Variants in VPS35L observed in about 807,000 individuals in gnomAD.
VPS35L encodes VPS35 endosomal protein sorting factor like.
VPS35L carries 83 observed loss-of-function variants against 133.0 expected under a neutral mutation model. The ratio of observed to expected loss-of-function variants is 0.62; its 90% confidence interval spans 0.52 to 0.75. The LOEUF (loss-of-function observed/expected upper bound fraction) is 0.75, where lower values mean the gene tolerates loss of function less well. VPS35L is among the 30% of genes least tolerant of loss of function. VPS35L has a pLI of 0.00. For missense variants in VPS35L, 1,083 were observed against 1,206.8 expected (o/e 0.90, Z 1.52); for synonymous variants, 423 against 449.9 (o/e 0.94, Z 0.76).
In VPS35L at chr16:19,699,792, T is replaced by C. The variant is rs570504438; in HGVS notation, c.2793+144T>C. On this transcript the variant is annotated intron_variant, in intron 30 of 30. Transcript: ENST00000417362. This position sits in a 1 kb window ranked among gnomAD's most constrained non-coding sequence, Gnocchi z 4.2. Reference sequence around the variant, plus strand: ...ACTTGGTCCATTTCTACTGGATCACTTCCTAGCAGTAAAAAGCAGAGCTGG... The same window carrying C: ...ACTTGGTCCATTTCTACTGGATCACCTCCTAGCAGTAAAAAGCAGAGCTGG... 4 of 1,117,676 alleles carry C rather than the reference T, an allele frequency of 3.6e-6. No individual in the cohort carries two copies. The highest frequency in any genetic ancestry group is 1.5e-5 in the South Asian group (1 of 65,488). 69.2% of individuals were successfully genotyped at this position (1,117,676 alleles called of 1,614,324 possible).
At chr16:19,601,628 G>C in intron 8 of VPS35L, 36 bp from the exon 9 acceptor site, 2 of 1,603,344 alleles carry the variant, frequency 1.2e-6, no homozygotes, top group Non-Finnish European at 1.7e-6. Context: ...CTCCTGAAGA[G>C]TGTGATACTA....
chr16:19,674,499 C>T (rs73539560), intron 27 of VPS35L, among the ~76,000 whole-genome samples: 1,599 of 152,134 alleles, frequency 0.011, 15 homozygotes, highest in African/African-American at 0.031. Context: ...TGAGCCTCTG[C>T]GTGCAGCCTA....
At chr16:19,586,230 A>C (rs1431671926) in intron 7 of VPS35L, among the ~76,000 whole-genome samples, 1 of 151,524 alleles carries the variant, frequency 6.6e-6, no homozygotes, top group African/African-American at 2.4e-5. Context: ...TATTTTTGAC[A>C]CTATTTCTTT....
chr16:19,691,631 T>A (rs1206099235), intron 29 of VPS35L, among the ~76,000 whole-genome samples, 160 bp downstream of exon 29: 2 of 152,214 alleles, frequency 1.3e-5, no homozygotes, highest in African/African-American at 4.8e-5. Flanking sequence ...TCGCTCCTGC[T>A]GTTTTCTCTG....
At chr16:19,618,232 A>G (rs954747041) in intron 14 of VPS35L, among the ~76,000 whole-genome samples, 1 of 152,214 alleles carries the variant, frequency 6.6e-6, no homozygotes, top group Non-Finnish European at 1.5e-5. Context: ...AGATCTTGCC[A>G]ACACATGTTG....
At chr16:19,562,920 A>AATTT (rs545996029) in intron 1 of VPS35L, among the ~76,000 whole-genome samples, 117 of 151,772 alleles carry the variant, frequency 7.7e-4, no homozygotes, top group African/African-American at 2.1e-3. Flanking sequence ...ACACCCAGCA[A>AATTT]ATTTATTTAT....
chr16:19,595,114 G>A (rs1245375564), intron 8 of VPS35L, among the ~76,000 whole-genome samples: 1 of 152,322 alleles, frequency 6.6e-6, no homozygotes, highest in East Asian at 1.9e-4. Flanking sequence ...GATCATGGTG[G>A]CCTTGGGGGC....
chr16:19,608,666 T>G, intron 10 of VPS35L: 2 of 407,196 alleles, frequency 4.9e-6, no homozygotes, highest in East Asian at 7.7e-5. Context: ...ATAAATTCCA[T>G]CTTAGTTACC....
At chr16:19,606,226 G>A (rs893747429) in intron 9 of VPS35L, among the ~76,000 whole-genome samples, 7 of 152,200 alleles carry the variant, frequency 4.6e-5, no homozygotes, top group African/African-American at 1.7e-4. Context: ...CAGCTAGACA[G>A]TGAGAGATTT....
chr16:19,623,765 ATTT>A (rs1567432690), intron 14 of VPS35L, among the ~76,000 whole-genome samples: 1 of 126,134 alleles, frequency 7.9e-6, no homozygotes, highest in East Asian at 2.3e-4. Context: ...TTACTTATTT[ATTT>A]ATTATTATTA....
rs1597317961 is a variant in VPS35L at position 19,575,088 on chromosome 16, G to A, written c.409-10G>A. The A allele has an allele frequency of 6.3e-7, 1 of 1,597,562 alleles. No individual in the cohort carries two copies. The highest frequency in any genetic ancestry group is 8.5e-7 in the Non-Finnish European group (1 of 1,170,556). ...TTTTTAAAATATTAATGAATTTTAT[G>A]TCTCTGCAGAATCTGTTTATGGGAT... On this transcript the variant is annotated splice_polypyrimidine_tract_variant and intron_variant, in intron 4 of 30. Coordinates refer to ENST00000417362, the MANE Select transcript of VPS35L (RefSeq NM_020314.7).
intron 27 of VPS35L, among the ~76,000 whole-genome samples, chr16:19,671,679 C>T (rs996562414): frequency 1.6e-4 from 23 of 146,528 alleles, no homozygotes; most frequent in Non-Finnish European, 2.9e-4. Context: ...AGGGAGGCTG[C>T]GGCAGGAGAA....
Position 19,581,584 on chromosome 16 carries a change from G to A in VPS35L, c.570G>A (p.Glu190=). Residue 190 remains glutamate (E), a synonymous_variant, in exon 7 of 31, where the codon GAG becomes GAA. Coordinates refer to ENST00000417362, the MANE Select transcript of VPS35L (RefSeq NM_020314.7). ...TQQDYVNRIE[E]LNQSLKDAWA... ...AGGATTACGTGAACCGCATAGAGGA[G>A]CTCAACCAATCGCTGAAGGATGCCT... 1.2e-6 allele frequency: 2 copies of A among 1,614,112 alleles called. No individual in the cohort carries two copies. Among genetic ancestry groups the A allele is most frequent in the Non-Finnish European group, 1.7e-6 (2 of 1,180,016 alleles).
intron 1 of VPS35L, among the ~76,000 whole-genome samples, chr16:19,557,726 G>A (rs1469635093): frequency 6.6e-6 from 1 of 151,910 alleles, no homozygotes; most frequent in African/African-American, 2.4e-5. Flanking sequence ...TCATCTTTCA[G>A]TTTCCCTAAT....
chr16:19,644,994 T>C, intron 23 of VPS35L, 45 bp downstream of exon 23: 1 of 1,337,980 alleles, frequency 7.5e-7, no homozygotes, highest in Middle Eastern at 1.8e-4. Context: ...AAGTGTGATG[T>C]AATTGTTTAT....
chr16:19,582,336 C>T (rs1971736767), intron 7 of VPS35L, among the ~76,000 whole-genome samples: 1 of 152,186 alleles, frequency 6.6e-6, no homozygotes, highest in South Asian at 2.1e-4. Flanking sequence ...CAAAGGATTT[C>T]TGAACTGCCA....
At chr16:19,600,731 A>T (rs1341947916) in intron 8 of VPS35L, among the ~76,000 whole-genome samples, 1 of 152,202 alleles carries the variant, frequency 6.6e-6, no homozygotes, top group Non-Finnish European at 1.5e-5. Context: ...CACATAAAAG[A>T]GTGAAAAGCA....
At chr16:19,662,076 G>A (rs564409572) in intron 26 of VPS35L, among the ~76,000 whole-genome samples, 38 of 152,284 alleles carry the variant, frequency 2.5e-4, no homozygotes, top group African/African-American at 7.9e-4. Flanking sequence ...GATGGCGCAC[G>A]CCTGTAGTCC....
At chr16:19,615,998 T>TAATAATAATAA (rs1555500738) in intron 12 of VPS35L, 116 bp from the exon 13 acceptor site, 18 of 427,604 alleles carry the variant, frequency 4.2e-5, no homozygotes, top group African/African-American at 2.2e-4. Context: ...ATAATAATAA[T>TAATAATAATAA]TTTCTGGACT....
Sources: allele counts gnomAD v4.1 joint callset (sites outside exome capture counted in the v4.1 genomes callset), GRCh38; gene constraint gnomAD v4.1.1; non-coding constraint Gnocchi (gnomAD v3.1); transcripts MANE v1.5; gene names NCBI Gene and HGNC (gene_info 2026-07-23, HGNC 2026-07-21).